AGPAT5: variants seen among roughly 807,000 people sequenced by gnomAD.
The protein encoded by AGPAT5 is 1-acyl-sn-glycerol-3-phosphate acyltransferase epsilon.
Under a neutral mutation model 45.6 loss-of-function variants are expected in AGPAT5, and 46 were observed. That is an observed-to-expected ratio of 1.01 (90% CI 0.80 to 1.29). The LOEUF is 1.29. Among genes scored for constraint, AGPAT5 ranks in the 50% most tolerant of loss-of-function variants. AGPAT5 has a pLI of 0.00. For synonymous variants in AGPAT5, 272 were observed against 167.0 expected (o/e 1.63, Z -4.85); for missense variants, 673 against 450.7 (o/e 1.49, Z -4.47).
chr8:6,738,053 G>C (rs185803174), intron 4 of AGPAT5, among the ~76,000 whole-genome samples: 1 of 152,268 alleles, frequency 6.6e-6, no homozygotes, highest in African/African-American at 2.4e-5. Context: ...CAATAAGGCT[G>C]TTTTGCTTTC....
chr8:6,750,752 C>T (rs887686080), intron 6 of AGPAT5, among the ~76,000 whole-genome samples: 4 of 149,806 alleles, frequency 2.7e-5, no homozygotes, highest in Non-Finnish European at 5.9e-5. Flanking sequence ...ATTAGATTGG[C>T]AAACATCCCA....
intron 5 of AGPAT5, among the ~76,000 whole-genome samples, chr8:6,744,468 C>G (rs1023254795): frequency 2.0e-5 from 3 of 152,158 alleles, no homozygotes; most frequent in Non-Finnish European, 4.4e-5. Context: ...ATGGGTCTTA[C>G]TCAGCTGAAA....
intron 1 of AGPAT5, among the ~76,000 whole-genome samples, chr8:6,710,958 G>C (rs1351682069): frequency 6.6e-6 from 1 of 152,092 alleles, no homozygotes; most frequent in African/African-American, 2.4e-5. Flanking sequence ...TGCAAGGCTA[G>C]TGATGATTCT....
At position 6,761,465 on chromosome 8, in the gene AGPAT5, C is replaced by T. The variant is rs1303545390; in HGVS notation, c.*4077C>T. Among the ~76,000 whole-genome samples the T allele has an allele frequency of 2.6e-5, 4 of 152,082 alleles. No homozygotes were observed. The highest frequency in any genetic ancestry group is 7.2e-5 in the African/African-American group (3 of 41,382). On this transcript the variant is annotated 3_prime_UTR_variant, in exon 8 of 8. Transcript: ENST00000285518. ...TGTGTTTTTGAGATTATTGGTGCCT[C>T]ATTAATTCAGCAATAAAGGAAAATA...
chr8:6,726,642 A>T (rs1463892880), intron 2 of AGPAT5, among the ~76,000 whole-genome samples: 1 of 152,046 alleles, frequency 6.6e-6, no homozygotes. Context: ...AAAACAGATT[A>T]AAAAAAACAA....
At chr8:6,723,651 T>A (rs552171071) in intron 1 of AGPAT5, among the ~76,000 whole-genome samples, 1 of 152,258 alleles carries the variant, frequency 6.6e-6, no homozygotes, top group East Asian at 1.9e-4. Context: ...CTATTGGTAT[T>A]ACTCATTTAT....
intron 1 of AGPAT5, among the ~76,000 whole-genome samples, chr8:6,712,870 T>G (rs938941384): frequency 6.6e-6 from 1 of 152,056 alleles, no homozygotes; most frequent in South Asian, 2.1e-4. Context: ...TGTCTTCAAA[T>G]GTCAGAATTC....
In AGPAT5 at chr8:6,721,320, T is replaced by G. The variant is rs796112609; in HGVS notation, c.220-3550T>G. Among the ~76,000 whole-genome samples the G allele has an allele frequency of 5.3e-5, 8 of 152,354 alleles. No homozygotes were observed. The East Asian group carries it at 1.5e-3, about 29-fold the overall frequency. ...TATGTAATCATATTGAAATTGAAAT[T>G]CTTTATAGCTGTACTTCTGTGTAAT... On this transcript the variant is annotated intron_variant, in intron 1 of 7. Transcript: ENST00000285518.
At chr8:6,751,037 GT>G (rs890343921) in intron 6 of AGPAT5, among the ~76,000 whole-genome samples, 67 of 150,638 alleles carry the variant, frequency 4.4e-4, no homozygotes, top group African/African-American at 1.6e-3. Context: ...TGCTTTCATT[GT>G]TTTTTTTTGT....
rs1168324443 is a variant in AGPAT5, at chr8:6,759,680, A to T, written c.*2292A>T. 1.3e-5 allele frequency: 2 copies of T among 152,206 alleles called. No homozygotes were observed. Among genetic ancestry groups the T allele is most frequent in the Non-Finnish European group, 2.9e-5 (2 of 68,032 alleles). The allele number at this position is 152,206 out of a possible 1,614,324, so 9.4% of individuals were successfully genotyped here. On this transcript the variant is annotated 3_prime_UTR_variant, in exon 8 of 8. Coordinates refer to ENST00000285518, the MANE Select transcript of AGPAT5 (RefSeq NM_018361.5). ...ACTGTCTCTAATGGCTGTGCTGTTTAACATTTTTTGACCCTAAAATTCACC... is the reference window on the plus strand; with the variant it reads ...ACTGTCTCTAATGGCTGTGCTGTTTTACATTTTTTGACCCTAAAATTCACC...
At position 6,730,086 on chromosome 8, in the gene AGPAT5, C is replaced by G. The variant is rs560024895; in HGVS notation, c.290-625C>G. Among the ~76,000 whole-genome samples, 15 of 151,670 alleles carry G rather than the reference C, an allele frequency of 9.9e-5. No homozygotes were observed. The South Asian group carries it at 2.9e-3, about 30-fold the overall frequency. ...TGGCCATTTTTTGTTTATAATTTCCCCTTTCTCATTAAAAAAACTTTGTTT... is the reference window on the plus strand; with the variant it reads ...TGGCCATTTTTTGTTTATAATTTCCGCTTTCTCATTAAAAAAACTTTGTTT... On this transcript the variant is annotated intron_variant, in intron 2 of 7. Transcript: ENST00000285518.
intron 4 of AGPAT5, among the ~76,000 whole-genome samples, chr8:6,737,715 G>A (rs928494176): frequency 6.6e-6 from 1 of 152,132 alleles, no homozygotes; most frequent in Admixed American, 6.5e-5. Context: ...TAAGAGTATT[G>A]GTTTTGAAAT....
intron 6 of AGPAT5, among the ~76,000 whole-genome samples, chr8:6,750,303 G>T (rs1801617863): frequency 6.6e-6 from 1 of 152,148 alleles, no homozygotes; most frequent in South Asian, 2.1e-4. Context: ...GCATTGCCTG[G>T]GTTCCAACCT....
intron 2 of AGPAT5, among the ~76,000 whole-genome samples, chr8:6,725,713 G>T (rs1198997387): frequency 2.6e-5 from 4 of 152,130 alleles, no homozygotes; most frequent in Admixed American, 2.0e-4. Context: ...AGCTACTTTT[G>T]ATGCGTACTT....
intron 2 of AGPAT5, among the ~76,000 whole-genome samples, chr8:6,725,479 G>T (rs1345782961): frequency 2.6e-5 from 4 of 152,296 alleles, no homozygotes; most frequent in South Asian, 2.1e-4. Flanking sequence ...ATATACTTTA[G>T]GTGAAGATAC....
intron 7 of AGPAT5, among the ~76,000 whole-genome samples, chr8:6,756,609 C>T (rs199736814): frequency 2.3e-4 from 28 of 122,846 alleles, no homozygotes; most frequent in Non-Finnish European, 3.3e-4. Flanking sequence ...TGCCTTTTTT[C>T]AAAAAAAAAA....
intron 1 of AGPAT5, among the ~76,000 whole-genome samples, chr8:6,713,335 T>G (rs960078888): frequency 6.6e-6 from 1 of 152,190 alleles, no homozygotes; most frequent in African/African-American, 2.4e-5. Context: ...GGAATTTACT[T>G]CAGAATATAT....
chr8:6,740,815 A>G (rs1020836005), intron 4 of AGPAT5, among the ~76,000 whole-genome samples: 17 of 152,080 alleles, frequency 1.1e-4, no homozygotes, highest in African/African-American at 2.4e-4. Flanking sequence ...AATGAATCCA[A>G]TAAACGTAGT....
chr8:6,710,506 C>G (rs952571603), intron 1 of AGPAT5, among the ~76,000 whole-genome samples: 2 of 152,132 alleles, frequency 1.3e-5, no homozygotes, highest in Non-Finnish European at 2.9e-5. Context: ...AGTCGTAGAA[C>G]GAACTGATTG....
Sources: allele counts gnomAD v4.1 joint callset (sites outside exome capture counted in the v4.1 genomes callset), GRCh38; gene constraint gnomAD v4.1.1; transcripts MANE v1.5; gene names NCBI Gene and HGNC (gene_info 2026-07-23, HGNC 2026-07-21).